Variants in CPA6 observed in about 807,000 individuals in gnomAD.
CPA6 encodes carboxypeptidase B.
Under a neutral mutation model 63.3 loss-of-function variants are expected in CPA6, and 58 were observed. The observed-to-expected ratio is 0.92, with a 90% CI of 0.74 to 1.14. CPA6 has a LOEUF of 1.14. CPA6 is among the 50% of genes most tolerant of loss of function. The pLI, the probability that CPA6 is intolerant of heterozygous loss-of-function variation, is 0.00. For synonymous variants in CPA6, 185 were observed against 179.0 expected (o/e 1.03, Z -0.27); for missense variants, 565 against 526.6 (o/e 1.07, Z -0.71).
intron 2 of CPA6, chr8:67,569,996 C>T (rs967821608): frequency 3.9e-5 from 6 of 154,054 alleles, no homozygotes; most frequent in African/African-American, 1.2e-4. Flanking sequence ...ATGTTGCAAG[C>T]AAATGTATCA....
At chr8:67,429,595 G>A (rs59249682) in intron 9 of CPA6, 3,955 of 152,192 alleles carry the variant, frequency 0.026, 169 homozygotes, top group African/African-American at 0.089. Flanking sequence ...TCTCACTGAC[G>A]ATGACATTCT....
chr8:67,651,984 C>T (rs1489620842), intron 1 of CPA6, among the ~76,000 whole-genome samples: 2 of 151,196 alleles, frequency 1.3e-5, no homozygotes, highest in Admixed American at 6.6e-5. Flanking sequence ...TGAGTGAGAA[C>T]ATGCGGTGTT....
intron 10 of CPA6, among the ~76,000 whole-genome samples, chr8:67,423,900 C>T (rs1305908037): frequency 6.6e-6 from 1 of 152,194 alleles, no homozygotes; most frequent in Non-Finnish European, 1.5e-5. Context: ...CCTGTTAGGA[C>T]TTGGGCTGCA....
intron 1 of CPA6, among the ~76,000 whole-genome samples, chr8:67,739,831 A>C (rs974512813): frequency 2.0e-5 from 3 of 152,214 alleles, no homozygotes; most frequent in Middle Eastern, 3.2e-3. Context: ...AAAAAGCCTT[A>C]TTTTAATAAG....
chr8:67,443,361 C>T (rs1278211010), intron 8 of CPA6, among the ~76,000 whole-genome samples: 2 of 152,030 alleles, frequency 1.3e-5, no homozygotes, highest in East Asian at 3.9e-4. Flanking sequence ...CTCCCGGGCC[C>T]TGTCCTGCCT....
At chr8:67,437,806 G>GA (rs1165207169) in intron 8 of CPA6, among the ~76,000 whole-genome samples, 1 of 151,756 alleles carries the variant, frequency 6.6e-6, no homozygotes, top group African/African-American at 2.4e-5. Flanking sequence ...GAAAGGGCAT[G>GA]AAAAATAAAA....
At chr8:67,591,945 G>A (rs1343442232) in intron 2 of CPA6, among the ~76,000 whole-genome samples, 2 of 152,138 alleles carry the variant, frequency 1.3e-5, no homozygotes, top group East Asian at 3.9e-4. Context: ...TGATGAGAGA[G>A]GGCATCCCTG....
chr8:67,560,639 T>A (rs1430375838), intron 2 of CPA6, among the ~76,000 whole-genome samples: 1 of 151,726 alleles, frequency 6.6e-6, no homozygotes, highest in Non-Finnish European at 1.5e-5. Context: ...GGGGAAAGGG[T>A]TGAATTGGAG....
chr8:67,428,165 T>A (rs1378719065), intron 9 of CPA6, 34 bp from the exon 10 acceptor site: 5 of 1,347,254 alleles, frequency 3.7e-6, no homozygotes, highest in Non-Finnish European at 4.3e-6. Flanking sequence ...TTATATATTG[T>A]TGCATTGAAA....
At chr8:67,554,046 AG>A (rs1429809928) in intron 2 of CPA6, among the ~76,000 whole-genome samples, 1 of 152,252 alleles carries the variant, frequency 6.6e-6, no homozygotes, top group Non-Finnish European at 1.5e-5. Flanking sequence ...TAAATATTTT[AG>A]TAAAGGTTCT....
chr8:67,640,938 G>A (rs1563373316), intron 1 of CPA6, among the ~76,000 whole-genome samples: 1 of 151,704 alleles, frequency 6.6e-6, no homozygotes, highest in Non-Finnish European at 1.5e-5. Context: ...GGCAGGGAGT[G>A]AGGTTGAGGC....
chr8:67,654,962 A>T (rs1406240835), intron 1 of CPA6, among the ~76,000 whole-genome samples: 1 of 152,160 alleles, frequency 6.6e-6, no homozygotes, highest in African/African-American at 2.4e-5. Flanking sequence ...TGTACTCTTT[A>T]TGTAAGACAC....
intron 2 of CPA6, among the ~76,000 whole-genome samples, chr8:67,609,743 C>G (rs142140656): frequency 2.6e-5 from 4 of 152,134 alleles, no homozygotes. Context: ...AAATACTGGT[C>G]GGGCACGGTG....
chr8:67,490,603 G>A (rs1247681340), intron 6 of CPA6, among the ~76,000 whole-genome samples: 6 of 152,130 alleles, frequency 3.9e-5, no homozygotes, highest in African/African-American at 1.4e-4. Flanking sequence ...TGATAAGTTT[G>A]GAACTGATTG....
intron 8 of CPA6, among the ~76,000 whole-genome samples, chr8:67,446,071 T>C (rs1810405172): frequency 6.6e-6 from 1 of 152,158 alleles, no homozygotes; most frequent in Non-Finnish European, 1.5e-5. Flanking sequence ...GAGACCATCC[T>C]GGCTAACACC....
intron 1 of CPA6, among the ~76,000 whole-genome samples, chr8:67,644,424 G>A (rs1219358182): frequency 1.3e-5 from 2 of 152,124 alleles, no homozygotes; most frequent in Non-Finnish European, 2.9e-5. Context: ...GGCCATTATG[G>A]CTGTCTTGGC....
intron 8 of CPA6, among the ~76,000 whole-genome samples, chr8:67,470,325 C>T (rs1260967681): frequency 2.6e-5 from 4 of 152,104 alleles, no homozygotes; most frequent in East Asian, 3.8e-4. Context: ...CCACCACGCC[C>T]GGCCTTGGAT....
At chr8:67,423,874 T>C (rs937999419) in intron 10 of CPA6, among the ~76,000 whole-genome samples, 10 of 152,212 alleles carry the variant, frequency 6.6e-5, no homozygotes, top group Non-Finnish European at 1.0e-4. Flanking sequence ...TTCCATGCAC[T>C]GGTACTGGTC....
In CPA6 at chr8:67,523,138, C is replaced by T. The variant is rs922730325; in HGVS notation, c.193-5091G>A. Among the ~76,000 whole-genome samples the T allele has an allele frequency of 5.9e-5, 9 of 152,220 alleles. No homozygotes were observed. In the South Asian group the frequency reaches 6.2e-4, roughly 10 times the overall value. On this transcript the variant is annotated intron_variant, in intron 2 of 10. Coordinates refer to ENST00000297770, the MANE Select transcript of CPA6 (RefSeq NM_020361.5). ...TGCAGGCAATCTACTTAGCTCTCTG[C>T]ACTTCAGTTTCCTCATTTATTAAAT...
Sources: gnomAD v4.1 joint callset for allele counts (sites outside exome capture counted in the v4.1 genomes callset) on GRCh38, gnomAD v4.1.1 for gene constraint, MANE v1.5 for transcripts, NCBI Gene and HGNC (gene_info 2026-07-23, HGNC 2026-07-21) for gene names.